Variants in CCDC171 observed in about 807,000 individuals in gnomAD.
CCDC171 encodes coiled-coil domain containing 171, also known as coiled-coil domain-containing protein 171.
CCDC171 carries 177 observed loss-of-function variants against 168.2 expected under a neutral mutation model. The ratio of observed to expected loss-of-function variants is 1.05; its 90% confidence interval spans 0.93 to 1.19. CCDC171 has a LOEUF of 1.19. Ranked by LOEUF, CCDC171 falls within the 50% of genes most tolerant of loss-of-function variation. The pLI, the probability that CCDC171 is intolerant of heterozygous loss-of-function variation, is 0.00. For missense variants in CCDC171, 1,991 were observed against 1,539.0 expected, an observed-to-expected ratio of 1.29 and a Z score of -4.91; for synonymous variants, 687 against 540.8, an observed-to-expected ratio of 1.27 and a Z score of -3.75.
intron 25 of CCDC171, among the ~76,000 whole-genome samples, chr9:15,933,474 T>C (rs946616345): frequency 2.0e-5 from 3 of 151,994 alleles, no homozygotes. Context: ...AGTTTATTAA[T>C]CTTTTAAATT....
downstream of CCDC171, among the ~76,000 whole-genome samples, chr9:16,064,776 T>C (rs75347570): frequency 0.037 from 5,653 of 152,312 alleles, 159 homozygotes; most frequent in Middle Eastern, 0.065. Context: ...TGGCCGTAAT[T>C]TATTTATCAG....
At chr9:16,032,672 C>T (rs1414053256) in intron 6 of CCDC171, among the ~76,000 whole-genome samples, 1 of 152,158 alleles carries the variant, frequency 6.6e-6, no homozygotes, top group Non-Finnish European at 1.5e-5. Flanking sequence ...GGCTGGAGTA[C>T]AGTGGCACGA....
intron 21 of CCDC171, among the ~76,000 whole-genome samples, chr9:15,809,643 A>G (rs867423302): frequency 3.7e-4 from 56 of 151,694 alleles, no homozygotes; most frequent in South Asian, 8.3e-4. Context: ...GGAGTTGTTC[A>G]TTCCTCCTGG....
At chr9:15,832,227 G>A (rs534018689) in intron 21 of CCDC171, among the ~76,000 whole-genome samples, 13 of 152,308 alleles carry the variant, frequency 8.5e-5, no homozygotes, top group African/African-American at 2.6e-4. Context: ...TGAGATACAA[G>A]TCAAATCCCT....
chr9:15,817,010 A>ATG lies in CCDC171; in HGVS notation c.3268-29680_3268-29679dup, dbSNP rs1225540217. On this transcript the variant is annotated intron_variant, in intron 21 of 25. Transcript: ENST00000380701. ...AAAAGATAAAAGAAGTTTTATAGTT[A>ATG]TGTGTGTGTGTGTATTTCCTTAAGG... Among the ~76,000 whole-genome samples the ATG allele has an allele frequency of 6.8e-5, 8 of 117,456 alleles. 3 individuals are homozygous for ATG. The highest frequency in any genetic ancestry group is 4.3e-4 in the East Asian group (2 of 4,674). 77.1% of individuals were successfully genotyped at this position (117,456 alleles called of 152,430 possible).
At chr9:15,819,135 G>A (rs1158268082) in intron 21 of CCDC171, among the ~76,000 whole-genome samples, 1 of 117,174 alleles carries the variant, frequency 8.5e-6, no homozygotes, top group African/African-American at 3.2e-5. Context: ...TTACAGACAA[G>A]CAAATGCTGA....
At position 15,744,455 on chromosome 9, in the gene CCDC171, A is replaced by G. The variant is rs775830971; in HGVS notation, c.2232A>G (p.Arg744=). The G allele has an allele frequency of 3.1e-6, 5 of 1,614,022 alleles. No individual in the cohort carries two copies. Among genetic ancestry groups the G allele is most frequent in the Non-Finnish European group, 4.2e-6 (5 of 1,180,038 alleles). ...MAGALYPLYS[R]SCALSTQRDF... ...GTGCCTTATATCCCCTCTATAGCCG[A>G]TCATGCGCCTTGTCTACACAGAGAG... The change falls in exon 17 of 26, where the codon CGA becomes CGG. Residue 744 remains arginine, a synonymous_variant. Coordinates refer to ENST00000380701, the MANE Select transcript of CCDC171 (RefSeq NM_173550.4).
At chr9:16,035,995 G>A (rs985703564) in intron 7 of CCDC171, 1 of 152,162 alleles carries the variant, frequency 6.6e-6, no homozygotes, top group East Asian at 1.9e-4. Context: ...CACAATCATT[G>A]ATGGCATAGA....
intron 2 of CCDC171, among the ~76,000 whole-genome samples, chr9:15,566,389 C>T (rs1400229999): frequency 6.6e-6 from 1 of 151,970 alleles, no homozygotes; most frequent in African/African-American, 2.4e-5. Context: ...GAAACCCCAT[C>T]TCTACAAAAA....
chr9:15,712,120 A>G (rs1384926652), intron 11 of CCDC171, among the ~76,000 whole-genome samples: 4 of 152,234 alleles, frequency 2.6e-5, no homozygotes, highest in African/African-American at 9.6e-5. Context: ...GAGAGAAAGC[A>G]TTCTTTCTTA....
Position 16,047,709 on chromosome 9 carries a change from T to A in CCDC171, n.89+4823T>A, listed in dbSNP as rs191113610. On this transcript the variant is annotated intron_variant and non_coding_transcript_variant, in intron 1 of 1. Coordinates refer to the CCDC171 transcript ENST00000478913. ...CACGTGGATTTGAATCCTGGTACCT[T>A]GGGTAAATGACTAATCCTCTCTCAA... 4.0e-4 allele frequency among the ~76,000 whole-genome samples: 61 copies of A among 152,354 alleles called. 1 individual carries two copies. Among genetic ancestry groups the A allele is most frequent in the Admixed American group, 3.8e-3 (58 of 15,304 alleles).
chr9:15,994,279 C>G (rs956324830), intron 3 of CCDC171, among the ~76,000 whole-genome samples: 3 of 152,126 alleles, frequency 2.0e-5, no homozygotes, highest in Admixed American at 1.3e-4. Context: ...AGTTCATGTC[C>G]TTTGTAGGGA....
intron 7 of CCDC171, among the ~76,000 whole-genome samples, chr9:15,624,723 T>C (rs2044898272): frequency 6.6e-6 from 1 of 152,156 alleles, no homozygotes; most frequent in African/African-American, 2.4e-5. Flanking sequence ...TGTTGGACAT[T>C]TGGGTTGGTT....
intron 6 of CCDC171, among the ~76,000 whole-genome samples, chr9:16,023,065 T>C (rs1833205776): frequency 6.6e-6 from 1 of 151,888 alleles, no homozygotes; most frequent in Non-Finnish European, 1.5e-5. Context: ...TACTAAGGGG[T>C]TCTCAGGTCA....
intron 4 of CCDC171, among the ~76,000 whole-genome samples, chr9:15,589,870 G>C (rs1303945774): frequency 1.3e-5 from 2 of 152,068 alleles, no homozygotes; most frequent in African/African-American, 4.8e-5. Context: ...TTGAATAATA[G>C]GGAATAGTGA....
intron 7 of CCDC171, 63 bp downstream of exon 7, chr9:15,623,476 C>CGCGCGCGCGCGCGCACAG (rs71325925): frequency 8.7e-6 from 3 of 344,252 alleles, no homozygotes; most frequent in Admixed American, 1.4e-4. Flanking sequence ...CGCGCGCGCG[C>CGCGCGCGCGCGCGCACAG]ACACACACAC....
chr9:15,765,731 C>T (rs913996841), intron 18 of CCDC171, among the ~76,000 whole-genome samples: 1 of 151,860 alleles, frequency 6.6e-6, no homozygotes, highest in African/African-American at 2.4e-5. Flanking sequence ...GGGTGTCAGG[C>T]CATAGGAGGT....
In CCDC171 at chr9:15,971,997, A is replaced by T. The variant is rs1266180355; in HGVS notation, c.*161A>T. 1.8e-6 allele frequency: 1 copy of T among 558,484 alleles called. No individual in the cohort carries two copies. Among genetic ancestry groups the T allele is most frequent in the Non-Finnish European group, 3.1e-6 (1 of 323,960 alleles). The allele number at this position is 558,484 out of a possible 1,614,324, so 34.6% of individuals were successfully genotyped here. On this transcript the variant is annotated 3_prime_UTR_variant, in exon 26 of 26. Transcript: ENST00000380701. ...TATTCTGGTAGCTCTGTCTCCTTGA[A>T]TAAGGAAATAGCCAACTTTTTTCTC...
At chr9:15,750,906 A>T (rs771112041) in intron 18 of CCDC171, among the ~76,000 whole-genome samples, 1 of 152,178 alleles carries the variant, frequency 6.6e-6, no homozygotes, top group Non-Finnish European at 1.5e-5. Context: ...CCTATTCAAC[A>T]CAGTATTGGA....
Sources: allele counts gnomAD v4.1 joint callset (sites outside exome capture counted in the v4.1 genomes callset), GRCh38; gene constraint gnomAD v4.1.1; transcripts MANE v1.5; gene names NCBI Gene and HGNC (gene_info 2026-07-23, HGNC 2026-07-21).